The following BASP1 variants were observed in gnomAD, a reference collection of about 807,000 sequenced individuals.
BASP1 encodes the protein brain abundant membrane attached signal protein 1.
A neutral mutation model predicts 2.2 loss-of-function variants in BASP1; 1 was observed. The observed-to-expected ratio is 0.46, with a 90% CI of 0.16 to 2.17. BASP1 has a LOEUF of 2.17. BASP1 is among the 30% of genes most tolerant of loss of function. BASP1 has a pLI of 0.27. For synonymous variants in BASP1, 187 were observed against 154.2 expected, an observed-to-expected ratio of 1.21 and a Z score of -1.58; for missense variants, 352 against 327.2, an observed-to-expected ratio of 1.08 and a Z score of -0.58.
intron 1 of BASP1, among the ~76,000 whole-genome samples, chr5:17,257,969 T>C (rs1740247354): frequency 6.6e-6 from 1 of 152,160 alleles, no homozygotes; most frequent in South Asian, 2.1e-4. Flanking sequence ...CCTGGTGTTA[T>C]CATCAGGGGT....
In BASP1 at chr5:17,275,485, C is replaced by A. The variant is rs1487694969; in HGVS notation, c.269C>A (p.Thr90Lys). The A allele has an allele frequency of 6.7e-7, 1 of 1,483,956 alleles. No individual in the cohort carries two copies. Among genetic ancestry groups the A allele is most frequent in the South Asian group, 1.4e-5 (1 of 72,332 alleles). 91.9% of individuals were successfully genotyped at this position (1,483,956 alleles called of 1,614,324 possible). ...GCCCCGAAGGCGGAGCCCGAGAAGA[C>A]GGAGGGCGCGGCAGAGGCCAAGGCT... ...EEAPKAEPEK[T>K]EGAAEAKAEP... The change falls in exon 2 of 2, where the codon ACG becomes AAG. Residue 90 changes from threonine to lysine, a missense_variant. Thr to Lys is a moderately conservative substitution (Grantham distance 78, BLOSUM62 -1). Coordinates refer to ENST00000322611, the MANE Select transcript of BASP1 (RefSeq NM_006317.5). This position sits in a 1 kb window ranked among gnomAD's most constrained non-coding sequence, Gnocchi z 5.3.
chr5:17,255,601 C>T (rs1740195065), intron 1 of BASP1, among the ~76,000 whole-genome samples: 1 of 152,156 alleles, frequency 6.6e-6, no homozygotes. Flanking sequence ...TGTAACACAT[C>T]ACTCACCACT....
chr5:17,235,596 C>T (rs2126496116), intron 1 of BASP1, among the ~76,000 whole-genome samples: 1 of 152,212 alleles, frequency 6.6e-6, no homozygotes, highest in Middle Eastern at 3.4e-3. Context: ...ATTACATTTC[C>T]TTACATCCCT....
In BASP1 at chr5:17,245,055, G is replaced by C. The variant is rs186180973; in HGVS notation, c.-10+27245G>C. 1.6e-3 allele frequency among the ~76,000 whole-genome samples: 237 copies of C among 150,180 alleles called. 1 individual carries two copies. The highest frequency in any genetic ancestry group is 3.4e-3 in the Middle Eastern group (1 of 292). On this transcript the variant is annotated intron_variant, in intron 1 of 1. Transcript: ENST00000322611. ...GCAGTGGCTCACGCCTGTAATCCCA[G>C]CACTTTGGGAGGCCGAGGTGGGTAG...
intron 1 of BASP1, among the ~76,000 whole-genome samples, chr5:17,255,407 C>G (rs1242930476): frequency 6.6e-6 from 1 of 151,526 alleles, no homozygotes; most frequent in Non-Finnish European, 1.5e-5. Flanking sequence ...GTTTTTTTTT[C>G]CCATTAAAAC....
intron 1 of BASP1, among the ~76,000 whole-genome samples, chr5:17,274,648 A>G (rs1489359178): frequency 1.3e-5 from 2 of 152,184 alleles, no homozygotes; most frequent in East Asian, 1.9e-4. Context: ...AGGGTTGACA[A>G]ACTTTGCCTC....
intron 1 of BASP1, among the ~76,000 whole-genome samples, chr5:17,237,119 G>C (rs1303249707): frequency 6.6e-6 from 1 of 152,160 alleles, no homozygotes; most frequent in Non-Finnish European, 1.5e-5. Context: ...GTCGAGGTGG[G>C]CGGATCACGA....
intron 1 of BASP1, among the ~76,000 whole-genome samples, chr5:17,232,189 A>G (rs1739645125): frequency 6.6e-6 from 1 of 152,256 alleles, no homozygotes; most frequent in Non-Finnish European, 1.5e-5. Context: ...GGAGACAAAT[A>G]GTATTACATT....
At chr5:17,234,157 C>T (rs1379040604) in intron 1 of BASP1, among the ~76,000 whole-genome samples, 2 of 151,908 alleles carry the variant, frequency 1.3e-5, no homozygotes, top group Non-Finnish European at 2.9e-5. Flanking sequence ...ACAAAACAAA[C>T]AAAAAACAAT....
Position 17,276,046 on chromosome 5 carries a change from A to ATTTTT in BASP1, c.*146_*147insTTTTT. On this transcript the variant is annotated 3_prime_UTR_variant, in exon 2 of 2. Transcript: ENST00000322611. ...CTCTCTCCTATACTAACTTGTTTCA[A>ATTTTT]ATTGGAAGTAATGATATGTATTGCC... The ATTTTT allele has an allele frequency of 1.5e-6, 1 of 657,422 alleles. No homozygotes were observed. Among genetic ancestry groups the ATTTTT allele is most frequent in the Non-Finnish European group, 2.2e-6 (1 of 444,672 alleles). The allele number at this position is 657,422 out of a possible 1,614,324, so 40.7% of individuals were successfully genotyped here.
chr5:17,252,223 G>C (rs1468158018), intron 1 of BASP1, among the ~76,000 whole-genome samples: 1 of 152,108 alleles, frequency 6.6e-6, no homozygotes, highest in Non-Finnish European at 1.5e-5. Flanking sequence ...TTGCCATTCG[G>C]CTATTATTTT....
intron 1 of BASP1, among the ~76,000 whole-genome samples, chr5:17,250,203 T>C (rs1263189711): frequency 1.3e-5 from 2 of 152,226 alleles, no homozygotes; most frequent in African/African-American, 4.8e-5. Flanking sequence ...TGCCTTGGCC[T>C]CCCAAAGTGC....
intron 1 of BASP1, among the ~76,000 whole-genome samples, chr5:17,266,976 G>A (rs1220013764): frequency 6.6e-6 from 1 of 152,138 alleles, no homozygotes; most frequent in Non-Finnish European, 1.5e-5. Context: ...GGAAATTTGG[G>A]GCTGAGAACT....
At chr5:17,254,827 A>G in intron 1 of BASP1, among the ~76,000 whole-genome samples, 1 of 152,236 alleles carries the variant, frequency 6.6e-6, no homozygotes, top group East Asian at 1.9e-4. Context: ...AAACAGAGAG[A>G]ATAAATCTTA....
At chr5:17,247,004 T>G (rs1267809157) in intron 1 of BASP1, among the ~76,000 whole-genome samples, 2 of 152,092 alleles carry the variant, frequency 1.3e-5, no homozygotes, top group African/African-American at 4.8e-5. Flanking sequence ...CTGGGTAACA[T>G]GGCGAAACCC....
chr5:17,247,524 G>A (rs1037301379), intron 1 of BASP1, among the ~76,000 whole-genome samples: 7 of 152,222 alleles, frequency 4.6e-5, no homozygotes, highest in Non-Finnish European at 1.0e-4. Flanking sequence ...CCCAATGAAT[G>A]TAGTTTCTGT....
intron 1 of BASP1, among the ~76,000 whole-genome samples, chr5:17,244,288 A>G (rs1739932555): frequency 2.0e-5 from 3 of 152,312 alleles, no homozygotes; most frequent in African/African-American, 2.4e-5. Flanking sequence ...TTGATTCTCT[A>G]TGGTGTCACT....
chr5:17,242,922 G>A (rs1739897957), intron 1 of BASP1, among the ~76,000 whole-genome samples: 3 of 151,740 alleles, frequency 2.0e-5, no homozygotes, highest in Admixed American at 6.6e-5. Flanking sequence ...GGGGCAGGGA[G>A]GACATGTCTT....
chr5:17,226,937 T>C (rs1269139782), intron 1 of BASP1, among the ~76,000 whole-genome samples: 5 of 89,580 alleles, frequency 5.6e-5, no homozygotes, highest in African/African-American at 3.1e-4. Flanking sequence ...TTTTCTTTTT[T>C]TTTTTTTTCT....
Sources: gnomAD v4.1 joint callset for allele counts (sites outside exome capture counted in the v4.1 genomes callset) on GRCh38, gnomAD v4.1.1 for gene constraint, Gnocchi (gnomAD v3.1) non-coding constraint, MANE v1.5 for transcripts, NCBI Gene and HGNC (gene_info 2026-07-23, HGNC 2026-07-21) for gene names.